Variants in ZFAT observed in about 807,000 individuals in gnomAD.
ZFAT encodes zinc finger and AT-hook domain containing.
In ZFAT, 64 loss-of-function variants were observed where a neutral mutation model predicts 117.7. That is an observed-to-expected ratio of 0.54 (90% CI 0.44 to 0.67). ZFAT has a LOEUF of 0.67. Among genes scored for constraint, ZFAT ranks in the 30% least tolerant of loss-of-function variants. The pLI, the probability that ZFAT is intolerant of heterozygous loss-of-function variation, is 0.00. For synonymous variants in ZFAT, 679 were observed against 615.0 expected, an observed-to-expected ratio of 1.10 and a Z score of -1.54; for missense variants, 1,433 against 1,584.5, an observed-to-expected ratio of 0.90 and a Z score of 1.62.
chr8:134,749,160 C>T, the ZFAT span, among the ~76,000 whole-genome samples: 2 of 152,076 alleles, frequency 1.3e-5, no homozygotes, highest in Non-Finnish European at 2.9e-5. Flanking sequence ...AACCAATTTA[C>T]AACTTTTCCT....
intron 15 of ZFAT, among the ~76,000 whole-genome samples, chr8:134,499,742 GACT>G: frequency 6.6e-6 from 1 of 152,360 alleles, no homozygotes; most frequent in East Asian, 1.9e-4. Flanking sequence ...CTGGCCGGGG[GACT>G]ACGTTTTGAG....
the ZFAT span, among the ~76,000 whole-genome samples, chr8:134,817,874 T>C: frequency 3.9e-5 from 6 of 152,068 alleles, no homozygotes. Flanking sequence ...AACTACTACA[T>C]ATATAAAGTC....
the ZFAT span, among the ~76,000 whole-genome samples, chr8:134,739,255 C>T: frequency 6.6e-6 from 1 of 151,772 alleles, no homozygotes; most frequent in Admixed American, 6.6e-5. Context: ...CAGCAAGTAT[C>T]TACAGAGAAG....
the ZFAT span, among the ~76,000 whole-genome samples, chr8:134,775,958 T>G: frequency 7.2e-5 from 11 of 152,226 alleles, no homozygotes; most frequent in African/African-American, 2.7e-4. Context: ...ATCCATAGCC[T>G]GGAAGAAAGG....
intron 1 of ZFAT, among the ~76,000 whole-genome samples, chr8:134,672,399 G>T (rs984826841): frequency 6.6e-6 from 1 of 152,152 alleles, no homozygotes; most frequent in Non-Finnish European, 1.5e-5. Context: ...ACACACCGGG[G>T]CCTGTTGTAG....
intron 1 of ZFAT, among the ~76,000 whole-genome samples, chr8:134,708,244 T>C (rs1813859232): frequency 6.6e-6 from 1 of 152,174 alleles, no homozygotes; most frequent in African/African-American, 2.4e-5. Context: ...GAGGAATCGT[T>C]TTTTTCTTTG....
chr8:134,766,256 G>A, the ZFAT span: 2 of 152,234 alleles, frequency 1.3e-5, no homozygotes, highest in African/African-American at 4.8e-5. Flanking sequence ...TCTAAAATGT[G>A]AATATGAGGC....
intron 11 of ZFAT, among the ~76,000 whole-genome samples, chr8:134,554,987 C>A (rs1228880740): frequency 6.6e-6 from 1 of 152,098 alleles, no homozygotes; most frequent in Non-Finnish European, 1.5e-5. Context: ...CCAAGACCAC[C>A]CTCAGGTTCA....
intron 15 of ZFAT, among the ~76,000 whole-genome samples, chr8:134,499,852 G>A (rs7357398): frequency 0.088 from 13,362 of 152,278 alleles, 876 homozygotes; most frequent in African/African-American, 0.18. Context: ...TGACAGGGCA[G>A]ACGTCCGGTG....
chr8:134,621,939 G>T (rs1407541605), intron 3 of ZFAT, among the ~76,000 whole-genome samples: 1 of 152,176 alleles, frequency 6.6e-6, no homozygotes, highest in African/African-American at 2.4e-5. Context: ...TAAGATCCAG[G>T]CTCTGCCTTT....
At chr8:134,629,131 G>A (rs186981872) in intron 3 of ZFAT, among the ~76,000 whole-genome samples, 3 of 152,268 alleles carry the variant, frequency 2.0e-5, no homozygotes, top group East Asian at 3.9e-4. Flanking sequence ...AATCGACCAC[G>A]GTAAGTGTCG....
At chr8:134,541,831 T>TA (rs1315593527) in intron 11 of ZFAT, among the ~76,000 whole-genome samples, 5 of 152,258 alleles carry the variant, frequency 3.3e-5, no homozygotes, top group Non-Finnish European at 7.3e-5. Flanking sequence ...CTCTTATCTT[T>TA]ACTCATAAAT....
Position 134,712,724 on chromosome 8 carries a change from C to CGGCGGCA in ZFAT, c.19+120_19+121insTGCCGCC, listed in dbSNP as rs1554626148. 4 of 749,300 alleles carry CGGCGGCA rather than the reference C, an allele frequency of 5.3e-6. No individual in the cohort carries two copies. In the Admixed American group the frequency reaches 1.5e-4, roughly 28 times the overall value. The allele number at this position is 749,300 out of a possible 1,614,324, so 46.4% of individuals were successfully genotyped here. On this transcript the variant is annotated intron_variant, in intron 1 of 15. Coordinates refer to ENST00000377838, the MANE Select transcript of ZFAT (RefSeq NM_020863.4). Reference sequence around the variant, plus strand: ...CCCCAGACCCGGATCCCTCCGCGGCCGGCGGCCGGCGGCCGGCGGCCGGCG... The same window carrying CGGCGGCA: ...CCCCAGACCCGGATCCCTCCGCGGCCGGCGGCAGGCGGCCGGCGGCCGGCGGCCGGCG...
rs1197881634 is a variant in ZFAT, at chr8:134,602,042, A to T, written c.1677T>A (p.Ala559=). Residue 559 remains alanine, a synonymous_variant, in exon 6 of 16, where the codon GCT becomes GCA. Coordinates refer to ENST00000377838, the MANE Select transcript of ZFAT (RefSeq NM_020863.4). Reference sequence around the variant, plus strand: ...CGGCCTGCGGGGAGGCCAGGTGCACAGCTGGGGCAGGCATTTCCCCAGGGG... The same window carrying T: ...CGGCCTGCGGGGAGGCCAGGTGCACTGCTGGGGCAGGCATTTCCCCAGGGG... ...PEAPGEMPAP[A]VHLASPQAES... 2.5e-6 allele frequency: 4 copies of T among 1,611,902 alleles called. No individual in the cohort carries two copies. Among genetic ancestry groups the T allele is most frequent in the East Asian group, 2.2e-5 (1 of 44,864 alleles).
the ZFAT span, among the ~76,000 whole-genome samples, chr8:134,800,850 TTTC>T: frequency 6.6e-6 from 1 of 152,108 alleles, no homozygotes; most frequent in Non-Finnish European, 1.5e-5. Flanking sequence ...CCGGCTAATT[TTTC>T]TTATTAATAA....
intron 12 of ZFAT, among the ~76,000 whole-genome samples, chr8:134,528,441 T>C (rs1303446156): frequency 6.6e-6 from 1 of 152,196 alleles, no homozygotes; most frequent in Non-Finnish European, 1.5e-5. Context: ...ATCAAATACA[T>C]CACCTGTGGG....
At chr8:134,600,184 C>G (rs971336032) in intron 7 of ZFAT, 5 of 535,614 alleles carry the variant, frequency 9.3e-6, no homozygotes, top group Non-Finnish European at 1.7e-5. Flanking sequence ...CTTCTGTAGA[C>G]TTTATCTGAT....
the ZFAT span, among the ~76,000 whole-genome samples, chr8:134,819,940 A>C: frequency 3.6e-3 from 551 of 152,304 alleles, 4 homozygotes; most frequent in African/African-American, 0.013. Flanking sequence ...GCAGAGTGAG[A>C]AGCACACATA....
intron 1 of ZFAT, among the ~76,000 whole-genome samples, chr8:134,667,764 A>G (rs998544812): frequency 8.5e-5 from 13 of 152,088 alleles, no homozygotes; most frequent in East Asian, 3.9e-4. Flanking sequence ...TAGTGGAGAC[A>G]GGACAGTAGG....
Sources: allele counts gnomAD v4.1 joint callset (sites outside exome capture counted in the v4.1 genomes callset), GRCh38; gene constraint gnomAD v4.1.1; transcripts MANE v1.5; gene names NCBI Gene and HGNC (gene_info 2026-07-23, HGNC 2026-07-21).